WNT9B: variants seen among roughly 807,000 people sequenced by gnomAD.
WNT9B encodes the protein protein Wnt-9b.
WNT9B carries 12 observed loss-of-function variants against 30.2 expected under a neutral mutation model. The ratio of observed to expected loss-of-function variants is 0.40; its 90% CI spans 0.26 to 0.64. The LOEUF (loss-of-function observed/expected upper bound fraction) is 0.64, where lower values mean the gene tolerates loss of function less well. Among genes scored for constraint, WNT9B ranks in the 30% least tolerant of loss-of-function variants. WNT9B has a pLI of 0.42. For missense variants in WNT9B, 442 were observed against 485.2 expected (o/e 0.91, Z 0.84); for synonymous variants, 218 against 216.9 (o/e 1.01, Z -0.05).
At chr17:46,885,145 C>CGG, downstream of WNT9B, 1 of 370,618 alleles carries the variant, frequency 2.7e-6, no homozygotes, top group South Asian at 1.9e-5. Context: ...TGCACCACCA[C>CGG]GCCTGACTAA....
At chr17:46,868,367 G>A (rs1358793649) in intron 1 of WNT9B, among the ~76,000 whole-genome samples, 1 of 152,094 alleles carries the variant, frequency 6.6e-6, no homozygotes, top group African/African-American at 2.4e-5. Context: ...CAAGGTGGGC[G>A]GATCACATGA....
At chr17:46,842,574 G>T (rs944271801) in intron 1 of WNT9B, among the ~76,000 whole-genome samples, 2 of 152,002 alleles carry the variant, frequency 1.3e-5, no homozygotes, top group African/African-American at 4.8e-5. Flanking sequence ...ATCTTGCTTT[G>T]GTGCCCAGAG....
intron 1 of WNT9B, among the ~76,000 whole-genome samples, chr17:46,870,904 C>CTTTTTTTTTTTTTTTTTTTT (rs144277402): frequency 6.4e-5 from 5 of 78,388 alleles, no homozygotes; most frequent in African/African-American, 2.5e-4. Context: ...TCCACCTTTG[C>CTTTTTTTTTTTTTTTTTTTT]TTTTTTTTTT....
rs905973672 is a variant in WNT9B, at chr17:46,879,505, A to C, written c.*2787A>C. Among the ~76,000 whole-genome samples the C allele has an allele frequency of 3.3e-5, 5 of 152,122 alleles. No homozygotes were observed. The highest frequency in any genetic ancestry group is 5.9e-5 in the Non-Finnish European group (4 of 68,024). ...AGAATTCCCACACCTGGCATTTGTAAAGCACTTTGCTATTTAGAAACAAAA... is the reference window on the plus strand; with the variant it reads ...AGAATTCCCACACCTGGCATTTGTACAGCACTTTGCTATTTAGAAACAAAA... On this transcript the variant is annotated 3_prime_UTR_variant, in exon 4 of 4. Coordinates refer to ENST00000290015, the MANE Select transcript of WNT9B (RefSeq NM_003396.3).
At chr17:46,872,805 T>TGGGGGAGGGGGTGGGCG in intron 2 of WNT9B, 32 bp downstream of exon 2, 3 of 1,089,672 alleles carry the variant, frequency 2.8e-6, no homozygotes, top group Non-Finnish European at 4.0e-6. Context: ...CGGGGAGGGC[T>TGGGGGAGGGGGTGGGCG]GGGGGAAGAA....
chr17:46,855,889 A>G (rs2084929871), intron 1 of WNT9B, among the ~76,000 whole-genome samples: 1 of 152,014 alleles, frequency 6.6e-6, no homozygotes, highest in Non-Finnish European at 1.5e-5. Flanking sequence ...AGTAGAGACC[A>G]TGTTGATCAG....
At chr17:46,844,305 C>CTTTTTT (rs34889221) in intron 1 of WNT9B, among the ~76,000 whole-genome samples, 3 of 127,454 alleles carry the variant, frequency 2.4e-5, no homozygotes, top group East Asian at 2.2e-4. Context: ...AGTTAGCCAC[C>CTTTTTT]TTTTTTTTTT....
chr17:46,845,485 A>ATTTTTT (rs34586359), intron 1 of WNT9B, among the ~76,000 whole-genome samples: 1 of 121,382 alleles, frequency 8.2e-6, no homozygotes, highest in African/African-American at 3.1e-5. Flanking sequence ...AGTTATCTGA[A>ATTTTTT]TTTTTTTTTT....
chr17:46,836,251 G>A (rs554392797), intron 1 of WNT9B, among the ~76,000 whole-genome samples: 2 of 152,248 alleles, frequency 1.3e-5, no homozygotes, highest in African/African-American at 4.8e-5. Flanking sequence ...TGCGGAGGAA[G>A]TGATATTGGA....
chr17:46,848,438 C>A (rs991217743), upstream of WNT9B, among the ~76,000 whole-genome samples: 1 of 152,258 alleles, frequency 6.6e-6, no homozygotes, highest in Non-Finnish European at 1.5e-5. Flanking sequence ...AAACTCAGGC[C>A]AGCCCTTCAG....
chr17:46,839,976 CTCTTCT>C (rs2084687598), intron 1 of WNT9B, among the ~76,000 whole-genome samples: 1 of 100,938 alleles, frequency 9.9e-6, no homozygotes, highest in Non-Finnish European at 2.1e-5. Context: ...TTCTTTCTTT[CTCTTCT>C]TTCTTTCTTT....
upstream of WNT9B, among the ~76,000 whole-genome samples, chr17:46,849,609 C>T (rs560858267): frequency 6.6e-6 from 1 of 152,302 alleles, no homozygotes. Flanking sequence ...GTCCAGCTGG[C>T]CTGCAGGGCT....
intron 2 of WNT9B, 100 bp downstream of exon 2, chr17:46,872,873 G>A: frequency 2.2e-6 from 3 of 1,380,950 alleles, no homozygotes; most frequent in Non-Finnish European, 2.9e-6. Context: ...TGGCTCCCGT[G>A]CCCAGGCCAC....
chr17:46,837,050 C>A (rs1037591457), intron 1 of WNT9B, among the ~76,000 whole-genome samples: 4 of 152,112 alleles, frequency 2.6e-5, no homozygotes, highest in African/African-American at 9.7e-5. Context: ...TCAAGCAATT[C>A]TCCTGCCTCA....
intron 1 of WNT9B, among the ~76,000 whole-genome samples, chr17:46,835,112 A>C (rs995987435): frequency 6.6e-6 from 1 of 152,120 alleles, no homozygotes; most frequent in East Asian, 1.9e-4. Context: ...CTCCCACCTC[A>C]GCCTCCTGAG....
At chr17:46,883,831 A>G (rs1284308794), downstream of WNT9B, among the ~76,000 whole-genome samples, 2 of 152,112 alleles carry the variant, frequency 1.3e-5, no homozygotes, top group African/African-American at 4.8e-5. Flanking sequence ...CCCACCCTGC[A>G]TACCGCAAAG....
At chr17:46,864,584 G>T (rs957400557) in intron 1 of WNT9B, among the ~76,000 whole-genome samples, 1 of 152,124 alleles carries the variant, frequency 6.6e-6, no homozygotes, top group African/African-American at 2.4e-5. Flanking sequence ...GGGCCACCCA[G>T]GGGGTCAGAG....
chr17:46,835,685 A>C (rs796925277), intron 1 of WNT9B, among the ~76,000 whole-genome samples: 13 of 152,262 alleles, frequency 8.5e-5, no homozygotes, highest in African/African-American at 3.1e-4. Flanking sequence ...TTGTCCCCAA[A>C]GCTCAGGGCT....
chr17:46,852,765 C>T (rs1480769016), intron 1 of WNT9B, among the ~76,000 whole-genome samples: 1 of 152,228 alleles, frequency 6.6e-6, no homozygotes, highest in East Asian at 1.9e-4. Flanking sequence ...TGAGTATATA[C>T]AGCAAAGGCA....
Sources: gnomAD v4.1 joint callset for allele counts (sites outside exome capture counted in the v4.1 genomes callset) on GRCh38, gnomAD v4.1.1 for gene constraint, MANE v1.5 for transcripts, NCBI Gene and HGNC (gene_info 2026-07-23, HGNC 2026-07-21) for gene names.